Variants in CDH13 observed in about 807,000 individuals in gnomAD.
CDH13 encodes cadherin 13, also known as cadherin-13.
In CDH13, 24 loss-of-function variants were observed where a neutral mutation model predicts 63.8. The observed-to-expected ratio is 0.38, with a 90% CI of 0.27 to 0.53. CDH13 has a LOEUF of 0.53. Ranked by LOEUF, CDH13 falls within the 20% of genes least tolerant of loss-of-function variation. The pLI is 0.85. For missense variants in CDH13, 1,049 were observed against 903.1 expected (o/e 1.16, Z -2.07); for synonymous variants, 503 against 355.3 (o/e 1.42, Z -4.67).
intron 2 of CDH13, among the ~76,000 whole-genome samples, chr16:83,026,380 T>C (rs1011111025): frequency 6.6e-6 from 1 of 152,216 alleles, no homozygotes; most frequent in African/African-American, 2.4e-5. Flanking sequence ...AGTCAATCTC[T>C]CTGAGACTCA....
intron 2 of CDH13, among the ~76,000 whole-genome samples, chr16:82,976,343 C>T (rs1909503664): frequency 6.6e-6 from 1 of 152,092 alleles, no homozygotes; most frequent in African/African-American, 2.4e-5. Context: ...TCCTATGCCT[C>T]CCTCTTCCTA....
intron 9 of CDH13, among the ~76,000 whole-genome samples, chr16:83,674,478 G>A (rs11642219): frequency 0.099 from 15,015 of 152,226 alleles, 806 homozygotes; most frequent in East Asian, 0.13. Flanking sequence ...CCAATTTCCC[G>A]TGATGTTTCA....
rs531144236 is a variant in CDH13, at chr16:83,618,731, C to A, written c.1101+16137C>A. ...GAGATCCCTGAATCTACTTCCCTAT[C>A]GGTCAAGTAAAAAGAAAAAAAATCA... On this transcript the variant is annotated intron_variant, in intron 8 of 13. Coordinates refer to ENST00000567109, the MANE Select transcript of CDH13 (RefSeq NM_001257.5). Among the ~76,000 whole-genome samples the A allele has an allele frequency of 1.8e-4, 26 of 142,092 alleles. No individual in the cohort carries two copies. In the South Asian group the frequency reaches 5.9e-3, roughly 32 times the overall value. 93.2% of individuals were successfully genotyped at this position (142,092 alleles called of 152,430 possible). A position where few individuals can be genotyped will look rare whatever the true frequency, so the allele number is the denominator to read the frequency against.
At chr16:83,051,572 A>G (rs1393950497) in intron 3 of CDH13, among the ~76,000 whole-genome samples, 1 of 152,216 alleles carries the variant, frequency 6.6e-6, no homozygotes, top group Non-Finnish European at 1.5e-5. Context: ...AAGATTTGCA[A>G]ATTCCATAAT....
At chr16:83,322,021 G>C (rs1419809055) in intron 5 of CDH13, among the ~76,000 whole-genome samples, 2 of 152,206 alleles carry the variant, frequency 1.3e-5, no homozygotes, top group Middle Eastern at 3.2e-3. Flanking sequence ...AAGGCCACTG[G>C]AGACAGCAGG....
At chr16:83,118,655 C>G (rs974359960) in intron 3 of CDH13, among the ~76,000 whole-genome samples, 1 of 152,138 alleles carries the variant, frequency 6.6e-6, no homozygotes, top group African/African-American at 2.4e-5. Flanking sequence ...ACCGTTTCTG[C>G]AGTTCTTTAG....
chr16:83,393,283 CT>C (rs1289946415), intron 6 of CDH13, among the ~76,000 whole-genome samples: 1 of 152,048 alleles, frequency 6.6e-6, no homozygotes, highest in Non-Finnish European at 1.5e-5. Flanking sequence ...AGGAAGCATT[CT>C]CGTGGGAATA....
At chr16:83,359,987 T>C (rs1033895431) in intron 6 of CDH13, among the ~76,000 whole-genome samples, 6 of 152,242 alleles carry the variant, frequency 3.9e-5, no homozygotes, top group African/African-American at 9.6e-5. Context: ...TGTGTTTCTA[T>C]AAATTTGCCT....
At position 82,889,300 on chromosome 16, in the gene CDH13, A is replaced by ATCTCTCTCTCTC. The variant is rs59500269; in HGVS notation, c.157+30839_157+30850dup. On this transcript the variant is annotated intron_variant, in intron 2 of 13. Transcript: ENST00000567109. Reference sequence around the variant, plus strand: ...AATTGTGCTTGTCTGTCTCTCTATTATCTCTCTCTCTCTCTCTCTCTCTAC... The same window carrying ATCTCTCTCTCTC: ...AATTGTGCTTGTCTGTCTCTCTATTATCTCTCTCTCTCTCTCTCTCTCTCTCTCTCTCTCTAC... Among the ~76,000 whole-genome samples, 173 of 149,890 alleles carry ATCTCTCTCTCTC rather than the reference A, an allele frequency of 1.2e-3. 1 individual carries two copies. Among genetic ancestry groups the ATCTCTCTCTCTC allele is most frequent in the Middle Eastern group, 0.01 (3 of 288 alleles).
intron 2 of CDH13, among the ~76,000 whole-genome samples, chr16:82,997,742 G>C (rs779681367): frequency 6.6e-6 from 1 of 152,096 alleles, no homozygotes; most frequent in Non-Finnish European, 1.5e-5. Flanking sequence ...ATCTAACATA[G>C]AAGTTCAGCA....
intron 7 of CDH13, among the ~76,000 whole-genome samples, chr16:83,559,745 C>T (rs1598288879): frequency 6.6e-6 from 1 of 152,106 alleles, no homozygotes; most frequent in Admixed American, 6.6e-5. Context: ...ATAACAAGCA[C>T]AGAGTGGCCA....
At chr16:83,207,927 C>T (rs1004779950) in intron 4 of CDH13, among the ~76,000 whole-genome samples, 11 of 152,106 alleles carry the variant, frequency 7.2e-5, no homozygotes, top group African/African-American at 2.4e-4. Context: ...AGAAGGAAAC[C>T]AGACTGGCAA....
intron 10 of CDH13, among the ~76,000 whole-genome samples, chr16:83,706,118 C>G (rs367893286): frequency 1.4e-4 from 21 of 152,178 alleles, no homozygotes; most frequent in African/African-American, 3.4e-4. Context: ...GGCCTGGGAG[C>G]TGATGTCATC....
chr16:83,684,296 A>C (rs1567514199), intron 10 of CDH13, among the ~76,000 whole-genome samples: 1 of 152,138 alleles, frequency 6.6e-6, no homozygotes, highest in Non-Finnish European at 1.5e-5. Context: ...GAACCTGTTA[A>C]ACCTGGGAGG....
intron 13 of CDH13, among the ~76,000 whole-genome samples, chr16:83,786,776 C>T (rs914519703): frequency 3.3e-5 from 5 of 152,060 alleles, no homozygotes; most frequent in African/African-American, 7.2e-5. Context: ...TTAGTAGAGA[C>T]GAGGTTTCAC....
At chr16:83,424,011 A>G (rs1489484344) in intron 6 of CDH13, among the ~76,000 whole-genome samples, 1 of 152,166 alleles carries the variant, frequency 6.6e-6, no homozygotes, top group Non-Finnish European at 1.5e-5. Flanking sequence ...GAAATCCAAC[A>G]TGGACTGAAC....
chr16:83,210,407 G>T (rs114814461), intron 4 of CDH13, among the ~76,000 whole-genome samples: 2,011 of 152,174 alleles, frequency 0.013, 45 homozygotes, highest in African/African-American at 0.045. Flanking sequence ...TCAGATGTGG[G>T]TTTGCATTTT....
intron 10 of CDH13, among the ~76,000 whole-genome samples, chr16:83,715,472 G>T (rs1334408912): frequency 6.6e-6 from 1 of 152,186 alleles, no homozygotes. Context: ...CCTGGGGCTT[G>T]TAAGTACCAG....
intron 3 of CDH13, among the ~76,000 whole-genome samples, chr16:83,084,509 GA>G (rs1249889550): frequency 6.6e-6 from 1 of 152,130 alleles, no homozygotes. Flanking sequence ...AGATTATGGG[GA>G]AAAAATGTAC....
Sources: allele counts gnomAD v4.1 joint callset (sites outside exome capture counted in the v4.1 genomes callset), GRCh38; gene constraint gnomAD v4.1.1; transcripts MANE v1.5; gene names NCBI Gene and HGNC (gene_info 2026-07-23, HGNC 2026-07-21).